SPAM1: variants seen among roughly 807,000 people sequenced by gnomAD.
The protein encoded by SPAM1 is hyaluronidase PH-20.
In SPAM1, 22 loss-of-function variants were observed where a neutral mutation model predicts 29.6. That is an observed-to-expected ratio of 0.74 (90% CI 0.53 to 1.06). The LOEUF (loss-of-function observed/expected upper bound fraction) is 1.06. Among genes scored for constraint, SPAM1 ranks in the 50% least tolerant of loss-of-function variants. The pLI, the probability that SPAM1 is intolerant of heterozygous loss-of-function variation, is 0.00. For missense variants in SPAM1, 534 were observed against 604.0 expected (o/e 0.88, Z 1.21); for synonymous variants, 194 against 204.6 (o/e 0.95, Z 0.44).
intron 1 of SPAM1, among the ~76,000 whole-genome samples, chr7:123,936,450 A>C (rs1169977466): frequency 6.6e-6 from 1 of 152,226 alleles, no homozygotes; most frequent in East Asian, 1.9e-4. Flanking sequence ...ACTGGTACAC[A>C]GGACTTAAAA....
At chr7:123,952,058 T>C (rs1478194924) in intron 2 of SPAM1, among the ~76,000 whole-genome samples, 1 of 152,140 alleles carries the variant, frequency 6.6e-6, no homozygotes, top group Admixed American at 6.6e-5. Context: ...GTCCCTGCCA[T>C]TCAGGCATTA....
chr7:123,965,425 A>G (rs961319620), intron 5 of SPAM1, among the ~76,000 whole-genome samples: 6 of 151,898 alleles, frequency 4.0e-5, no homozygotes, highest in Admixed American at 1.3e-4. Flanking sequence ...TAGGGTTTTT[A>G]TAGTTTTGGG....
At chr7:123,955,625 A>C (rs979536052) in intron 4 of SPAM1, among the ~76,000 whole-genome samples, 15 of 151,916 alleles carry the variant, frequency 9.9e-5, no homozygotes, top group Non-Finnish European at 1.5e-4. Flanking sequence ...AATAGTCTAT[A>C]CTCTAGTAGT....
chr7:123,967,632 G>A (rs1432206954), intron 5 of SPAM1, among the ~76,000 whole-genome samples: 1 of 151,986 alleles, frequency 6.6e-6, no homozygotes, highest in Non-Finnish European at 1.5e-5. Flanking sequence ...ATGCATGTGT[G>A]TGTGAGAGAG....
downstream of SPAM1, among the ~76,000 whole-genome samples, chr7:123,964,245 A>G (rs1792395090): frequency 6.6e-6 from 1 of 151,808 alleles, no homozygotes; most frequent in Non-Finnish European, 1.5e-5. Flanking sequence ...GACTCTATAA[A>G]TGTTTAAAAC....
intron 5 of SPAM1, among the ~76,000 whole-genome samples, chr7:123,966,675 AC>A (rs756367905): frequency 1.3e-5 from 2 of 152,080 alleles, no homozygotes; most frequent in Non-Finnish European, 1.5e-5. Context: ...GTAACAGAAA[AC>A]CAAACACCAC....
exon 6 of SPAM1, chr7:123,970,255 TG>T (rs1563035880): frequency 6.5e-7 from 1 of 1,548,608 alleles, no homozygotes. Flanking sequence ...CTGAGAGTCA[TG>T]AGGGAAAAAT....
chr7:123,946,792 A>AGGGG (rs1266103270), intron 1 of SPAM1, among the ~76,000 whole-genome samples: 1 of 152,112 alleles, frequency 6.6e-6, no homozygotes, highest in Non-Finnish European at 1.5e-5. Context: ...TTTTATATAA[A>AGGGG]CAATAAGGTA....
At chr7:123,961,578 A>G (rs190637303), downstream of SPAM1, among the ~76,000 whole-genome samples, 104 of 152,090 alleles carry the variant, frequency 6.8e-4, no homozygotes, top group Non-Finnish European at 2.9e-4. Context: ...GTTGATGGAC[A>G]TTTAGACTGA....
At chr7:123,944,993 AT>A (rs1049769475) in intron 1 of SPAM1, among the ~76,000 whole-genome samples, 5 of 151,642 alleles carry the variant, frequency 3.3e-5, no homozygotes, top group Non-Finnish European at 7.4e-5. Context: ...ATCATATAAA[AT>A]TTTTTTTTCT....
At chr7:123,958,836 A>G (rs564997124) in intron 4 of SPAM1, among the ~76,000 whole-genome samples, 1 of 147,122 alleles carries the variant, frequency 6.8e-6, no homozygotes, top group African/African-American at 2.6e-5. Context: ...TGTCTCAGGA[A>G]AAAAAAAAAA....
chr7:123,950,426 C>G (rs1165913799), intron 2 of SPAM1, among the ~76,000 whole-genome samples: 3 of 151,902 alleles, frequency 2.0e-5, no homozygotes, highest in African/African-American at 7.3e-5. Context: ...CAACCTGCTC[C>G]CTTTCAGAGT....
intron 1 of SPAM1, among the ~76,000 whole-genome samples, chr7:123,943,756 C>T (rs1808495511): frequency 6.6e-6 from 1 of 151,970 alleles, no homozygotes. Flanking sequence ...AATAGGATTA[C>T]AGTCATTGTA....
chr7:123,955,517 T>C (rs1171009266), intron 4 of SPAM1, among the ~76,000 whole-genome samples: 1 of 152,016 alleles, frequency 6.6e-6, no homozygotes, highest in Non-Finnish European at 1.5e-5. Flanking sequence ...GCTGAATTTT[T>C]TCTTCTCTGG....
At chr7:123,947,525 A>G (rs929218195) in intron 1 of SPAM1, among the ~76,000 whole-genome samples, 4 of 151,742 alleles carry the variant, frequency 2.6e-5, no homozygotes, top group African/African-American at 9.7e-5. Flanking sequence ...ACTCCAGCCT[A>G]GGCAACAGAC....
chr7:123,957,585 C>T lies in SPAM1; in HGVS notation c.1045-1899C>T, dbSNP rs1242733611. ...TCTATTGCTTTCATAAAAATTACAA[C>T]AGACTTAGTGGGTTAAAAAAACAGA... On this transcript the variant is annotated intron_variant, in intron 4 of 4. Transcript: ENST00000682466. Among the ~76,000 whole-genome samples, 3 of 152,038 alleles carry T rather than the reference C, an allele frequency of 2.0e-5. No homozygotes were observed. The East Asian group carries it at 5.8e-4, about 30-fold the overall frequency.
At position 123,937,469 on chromosome 7, in the gene SPAM1, C is replaced by T. The variant is rs371925579; in HGVS notation, c.-319+12117C>T. On this transcript the variant is annotated intron_variant, in intron 1 of 4. Coordinates refer to ENST00000682466, the MANE Select transcript of SPAM1 (RefSeq NM_153189.3). ...ACAAAAAATTAGCCGGGCATGGTGG[C>T]GGGCGCCTGTAGTCCCAGCTACTCG... 5.4e-3 allele frequency among the ~76,000 whole-genome samples: 827 copies of T among 151,874 alleles called. 5 individuals carry two copies. Among genetic ancestry groups the T allele is most frequent in the Non-Finnish European group, 9.2e-3 (628 of 67,946 alleles).
At chr7:123,932,544 T>C (rs561418590) in intron 1 of SPAM1, 1 of 152,704 alleles carries the variant, frequency 6.5e-6, no homozygotes, top group East Asian at 1.9e-4. Flanking sequence ...AGAAAAAGTG[T>C]ACAAGACCCT....
At chr7:123,950,010 G>A (rs1808708021) in intron 2 of SPAM1, 27 bp downstream of exon 2, 1 of 151,966 alleles carries the variant, frequency 6.6e-6, no homozygotes, top group African/African-American at 2.4e-5. Context: ...GGGTTTGGGG[G>A]ATAGCAAAGA....
Sources: allele counts gnomAD v4.1 joint callset (sites outside exome capture counted in the v4.1 genomes callset), GRCh38; gene constraint gnomAD v4.1.1; transcripts MANE v1.5; gene names NCBI Gene and HGNC (gene_info 2026-07-23, HGNC 2026-07-21).